Variants in MAOA observed in about 807,000 individuals in gnomAD.
The protein encoded by MAOA is monoamine oxidase A, also known as amine oxidase [flavin-containing] A.
In MAOA, 6 loss-of-function variants were observed where a neutral mutation model predicts 42.0. The ratio of observed to expected loss-of-function variants is 0.14; its 90% CI spans 0.08 to 0.28. The LOEUF (loss-of-function observed/expected upper bound fraction) is 0.28. MAOA is among the 10% of genes least tolerant of loss of function. The probability of loss-of-function intolerance (pLI) is 1.00; values close to 1 mark genes in which losing one functional copy is unlikely to be tolerated. For missense variants in MAOA, 262 were observed against 422.3 expected, an observed-to-expected ratio of 0.62 and a Z score of 3.33; for synonymous variants, 140 against 154.0, an observed-to-expected ratio of 0.91 and a Z score of 0.67.
chrX:43,710,282 A>T (rs911195913), intron 3 of MAOA, among the ~76,000 whole-genome samples: 59 of 112,653 alleles, frequency 5.2e-4, no homozygotes, highest in Non-Finnish European at 1.0e-3. Flanking sequence ...AAAAAGTTGT[A>T]TTGCAGCGTT....
In MAOA at chrX:43,712,776, T is replaced by G. The variant is rs1424585006; in HGVS notation, c.483T>G (p.Ile161Met). The G allele has an allele frequency of 8.3e-7, 1 of 1,203,867 alleles. No homozygotes were observed. The highest frequency in any genetic ancestry group is 1.1e-6 in the Non-Finnish European group (1 of 888,389). ...ACAAAATGACCATGAAAGAGCTCAT[T>G]GACAAAATCTGCTGGACAAAGTAAG... ...KWDKMTMKELIDKICWTKTAR... is the reference protein window; with the variant it reads ...KWDKMTMKELMDKICWTKTAR... Residue 161 changes from isoleucine to methionine, a missense_variant, in exon 5 of 15, where the codon ATT (isoleucine) becomes ATG (methionine). Transcript: ENST00000338702.
chrX:43,719,517 G>A (rs1216313526), intron 5 of MAOA, among the ~76,000 whole-genome samples: 1 of 110,926 alleles, frequency 9.0e-6, no homozygotes, highest in African/African-American at 3.3e-5. Context: ...GGTGTTTTGG[G>A]GGAATTGTGT....
intron 5 of MAOA, among the ~76,000 whole-genome samples, chrX:43,721,798 T>C (rs1280055819): frequency 9.1e-6 from 1 of 110,272 alleles, no homozygotes; most frequent in Non-Finnish European, 1.9e-5. Context: ...CATCAACTCG[T>C]CATTTACATT....
intron 1 of MAOA, among the ~76,000 whole-genome samples, chrX:43,679,684 A>G (rs1214341894): frequency 9.0e-6 from 1 of 111,393 alleles, no homozygotes; most frequent in East Asian, 2.8e-4. Flanking sequence ...GAGCAATTCC[A>G]GTAGACCCTT....
rs889074671 is a variant in MAOA at position 43,744,853 on chromosome X, T to C, written c.*340T>C. The C allele has an allele frequency of 3.7e-6, 1 of 272,908 alleles. No homozygotes were observed. The highest frequency in any genetic ancestry group is 6.6e-6 in the Non-Finnish European group (1 of 151,029). The allele number at this position is 272,908 out of a possible 1,213,427, so 22.5% of individuals were successfully genotyped here. On this transcript the variant is annotated 3_prime_UTR_variant, in exon 15 of 15. Coordinates refer to ENST00000338702, the MANE Select transcript of MAOA (RefSeq NM_000240.4). The stretch of plus-strand genomic sequence containing the variant: ...TTTATTCCCTTCAATGCAAAATACA[T>C]GATGATTTCAGAAACAAAGCATTTG...
chrX:43,707,009 T>C (rs918990100), intron 3 of MAOA, among the ~76,000 whole-genome samples: 2 of 111,739 alleles, frequency 1.8e-5, no homozygotes, highest in African/African-American at 6.5e-5. Context: ...CTGCCAGCCC[T>C]TGAAATGGTG....
intron 5 of MAOA, among the ~76,000 whole-genome samples, chrX:43,717,700 A>G (rs1485728632): frequency 9.1e-6 from 1 of 110,394 alleles, no homozygotes; most frequent in Non-Finnish European, 1.9e-5. Context: ...TCCATGAATG[A>G]CCCACTGGGG....
rs141287005 is a variant in MAOA at position 43,703,611 on chromosome X, A to G, written c.307-8261A>G. On this transcript the variant is annotated intron_variant, in intron 3 of 14. Transcript: ENST00000338702. ...TCATACTTCTGCCAGTGCAAGCCAGAATGTGAAGAATGCCTAGGGGAATAT... is the reference window on the plus strand; with the variant it reads ...TCATACTTCTGCCAGTGCAAGCCAGGATGTGAAGAATGCCTAGGGGAATAT... 6.8e-3 allele frequency among the ~76,000 whole-genome samples: 763 copies of G among 112,025 alleles called. 6 individuals are homozygous for G. The highest frequency in any genetic ancestry group is 0.024 in the African/African-American group (730 of 30,777).
chrX:43,655,364 C>T (rs2033169473), upstream of MAOA: 1 of 112,654 alleles, frequency 8.9e-6, no homozygotes, highest in Admixed American at 9.3e-5. Context: ...CCCAGTGGAG[C>T]ACGTCCTCAA....
intron 1 of MAOA, among the ~76,000 whole-genome samples, chrX:43,679,243 T>G (rs2033424358): frequency 1.8e-5 from 2 of 110,710 alleles, no homozygotes; most frequent in Admixed American, 2.0e-4. Flanking sequence ...ATGACCTTTG[T>G]CACTGGTGTG....
chrX:43,676,705 G>T (rs2033400726), intron 1 of MAOA, among the ~76,000 whole-genome samples: 1 of 111,362 alleles, frequency 9.0e-6, no homozygotes. Context: ...TGGAGATACA[G>T]CAATAAGCAA....
At chrX:43,662,352 T>A (rs954565805) in intron 1 of MAOA, among the ~76,000 whole-genome samples, 1 of 111,548 alleles carries the variant, frequency 9.0e-6, no homozygotes, top group African/African-American at 3.2e-5. Flanking sequence ...ATTACATTTA[T>A]TTGTGTTCTG....
At chrX:43,709,312 G>A (rs1194084137) in intron 3 of MAOA, among the ~76,000 whole-genome samples, 3 of 111,811 alleles carry the variant, frequency 2.7e-5, no homozygotes, top group African/African-American at 9.8e-5. Context: ...ACTCAAGTTG[G>A]CATCTTTCTG....
intron 11 of MAOA, among the ~76,000 whole-genome samples, chrX:43,741,531 C>T (rs1005281949): frequency 9.0e-6 from 1 of 111,698 alleles, no homozygotes; most frequent in African/African-American, 3.3e-5. Flanking sequence ...TCCTCCCTCC[C>T]ACCCTTTCCT....
intron 6 of MAOA, among the ~76,000 whole-genome samples, chrX:43,729,725 G>T (rs959730083): frequency 1.8e-5 from 2 of 111,193 alleles, no homozygotes; most frequent in African/African-American, 6.6e-5. Flanking sequence ...CAGTCCTTCC[G>T]CCTCAGCCTC....
intron 10 of MAOA, among the ~76,000 whole-genome samples, chrX:43,737,703 C>G (rs2033930382): frequency 8.9e-6 from 1 of 111,855 alleles, no homozygotes. Context: ...GCAGAGACCC[C>G]ACCTCAAAAT....
rs778057436 is a variant in MAOA, at chrX:43,662,803, T to A, written c.73+6389T>A. 1.1e-4 allele frequency among the ~76,000 whole-genome samples: 12 copies of A among 110,815 alleles called. No homozygotes were observed. In the South Asian group the frequency reaches 4.6e-3, roughly 42 times the overall value. On this transcript the variant is annotated intron_variant, in intron 1 of 14. Coordinates refer to ENST00000338702, the MANE Select transcript of MAOA (RefSeq NM_000240.4). ...GTATGTAGGAGATGTATAGATTTCATAATGATAGGGTTTTTTTTTTCATTG... is the reference window on the plus strand; with the variant it reads ...GTATGTAGGAGATGTATAGATTTCAAAATGATAGGGTTTTTTTTTTCATTG...
At chrX:43,712,831 A>G (rs2033710018) in intron 5 of MAOA, 35 bp downstream of exon 5, 1 of 1,002,350 alleles carries the variant, frequency 1.0e-6, no homozygotes, top group Non-Finnish European at 1.4e-6. Flanking sequence ...TTTACTTTTT[A>G]TCTTCCCTTC....
chrX:43,743,154 A>G (rs3027406), intron 12 of MAOA, among the ~76,000 whole-genome samples: 5,447 of 111,151 alleles, frequency 0.049, 138 homozygotes, highest in African/African-American at 0.084. Flanking sequence ...AGTCAAAGCC[A>G]AAAAGTTGGA....
Sources: allele counts gnomAD v4.1 joint callset (sites outside exome capture counted in the v4.1 genomes callset), GRCh38; gene constraint gnomAD v4.1.1; transcripts MANE v1.5; gene names NCBI Gene and HGNC (gene_info 2026-07-23, HGNC 2026-07-21).